Variants in PRR12 observed in about 807,000 individuals in gnomAD.
The protein encoded by PRR12 is proline rich 12, also known as proline-rich protein 12.
In PRR12, 12 loss-of-function variants were observed where a neutral mutation model predicts 138.0. The ratio of observed to expected loss-of-function variants is 0.09; its 90% CI spans 0.06 to 0.14. The LOEUF (loss-of-function observed/expected upper bound fraction) is 0.14. Among genes scored for constraint, PRR12 ranks in the 10% least tolerant of loss-of-function variants. The pLI is 1.00. For missense variants in PRR12, 2,692 were observed against 2,861.3 expected (o/e 0.94, Z 1.35); for synonymous variants, 1,567 against 1,291.7 (o/e 1.21, Z -4.57).
rs1290401938 is a variant in PRR12 at position 49,620,243 on chromosome 19, C to T, written c.5498-109C>T. 7 of 1,474,546 alleles carry T rather than the reference C, an allele frequency of 4.7e-6. No homozygotes were observed. In the Admixed American group the frequency reaches 1.0e-4, roughly 21 times the overall value. 91.3% of individuals were successfully genotyped at this position (1,474,546 alleles called of 1,614,324 possible). On this transcript the variant is annotated intron_variant, in intron 9 of 13. Transcript: ENST00000418929. Reference sequence around the variant, plus strand: ...TCTTCCCTAGCGGACTTGGACCTCCCAAAAGCAGGGATTTCTCTTCCGGTC... The same window carrying T: ...TCTTCCCTAGCGGACTTGGACCTCCTAAAAGCAGGGATTTCTCTTCCGGTC...
chr19:49,624,800 A>G, intron 11 of PRR12, 44 bp from the exon 12 acceptor site: 1 of 1,592,922 alleles, frequency 6.3e-7, no homozygotes, highest in Non-Finnish European at 8.5e-7. Flanking sequence ...TTTGGGGTTT[A>G]TGGATCCAGG....
At chr19:49,603,422 G>A (rs1191682019) in intron 6 of PRR12, among the ~76,000 whole-genome samples, 2 of 152,226 alleles carry the variant, frequency 1.3e-5, no homozygotes, top group East Asian at 1.9e-4. Flanking sequence ...GGGGCATGGC[G>A]GTTCACGCCT....
At chr19:49,611,535 G>A (rs1434992470) in intron 6 of PRR12, among the ~76,000 whole-genome samples, 1 of 151,910 alleles carries the variant, frequency 6.6e-6, no homozygotes. Flanking sequence ...CTACTTGGGA[G>A]GCTGAGGCAG....
At chr19:49,621,419 T>G in intron 10 of PRR12, 106 bp from the exon 11 acceptor site, 1 of 875,198 alleles carries the variant, frequency 1.1e-6, no homozygotes, top group Non-Finnish European at 1.8e-6. Context: ...TGTACTTTTG[T>G]CTCTGAGTGG....
At chr19:49,611,892 C>G (rs1288122371) in intron 6 of PRR12, among the ~76,000 whole-genome samples, 2 of 118,732 alleles carry the variant, frequency 1.7e-5, no homozygotes, top group Non-Finnish European at 3.2e-5. Context: ...CACTGCACTC[C>G]AGCCTGGGCG....
At position 49,625,451 on chromosome 19, in the gene PRR12, A is replaced by T; in HGVS notation, c.5965-10A>T. ...GCCACCCTCCCCAGTGCCATGTTTG[A>T]CCCCTGCAGACCCTGGCCATCGAGG... On this transcript the variant is annotated splice_polypyrimidine_tract_variant and intron_variant, in intron 13 of 13. Coordinates refer to ENST00000418929, the MANE Select transcript of PRR12 (RefSeq NM_020719.3). This position sits in a 1 kb window ranked among gnomAD's most constrained non-coding sequence, Gnocchi z 5.5. 6.3e-7 allele frequency: 1 copy of T among 1,596,122 alleles called. No individual in the cohort carries two copies. The highest frequency in any genetic ancestry group is 8.5e-7 in the Non-Finnish European group (1 of 1,171,386).
rs766049139 is a variant in PRR12, at chr19:49,596,696, C to T, written c.2361C>T (p.Gly787=). Residue 787 remains glycine, a synonymous_variant, in exon 4 of 14, where the codon GGC becomes GGT. Coordinates refer to ENST00000418929, the MANE Select transcript of PRR12 (RefSeq NM_020719.3). The surrounding 1 kb of genome is among the most constrained non-coding windows in gnomAD (Gnocchi z 5.6). ...ATGGCCTCCTTCTGGAGGCCGGGGG[C>T]CCTGACCTCCCACTGGTGCTGCCTC... The part of the protein sequence containing the change: ...TPHGLLLEAG[G]PDLPLVLPPP... 5 of 1,606,134 alleles carry T rather than the reference C, an allele frequency of 3.1e-6. No homozygotes were observed. Among genetic ancestry groups the T allele is most frequent in the East Asian group, 2.2e-5 (1 of 44,852 alleles).
Position 49,614,993 on chromosome 19 carries a change from C to T in PRR12, c.5008C>T (p.Pro1670Ser). The T allele has an allele frequency of 6.2e-7, 1 of 1,613,934 alleles. No individual in the cohort carries two copies. The highest frequency in any genetic ancestry group is 1.1e-5 in the South Asian group (1 of 91,086). The change falls in exon 8 of 14, where the codon CCC becomes TCC. Residue 1670 changes from proline to serine, a missense_variant. Transcript: ENST00000418929. This position sits in a 1 kb window ranked among gnomAD's most constrained non-coding sequence, Gnocchi z 5.0. The part of the protein sequence containing the change: ...RVCARKPWHR[P>S]PVPVRRSGQA... ...CTGTGCTCGGAAACCCTGGCATCGGCCCCCAGTGCCAGTCAGGTACCAACC... is the reference window on the plus strand; with the variant it reads ...CTGTGCTCGGAAACCCTGGCATCGGTCCCCAGTGCCAGTCAGGTACCAACC...
At chr19:49,609,448 A>G (rs2080854493) in intron 6 of PRR12, among the ~76,000 whole-genome samples, 2 of 151,992 alleles carry the variant, frequency 1.3e-5, no homozygotes, top group Non-Finnish European at 2.9e-5. Flanking sequence ...TAAGAATACA[A>G]AAATTAGCCG....
chr19:49,624,984 A>C lies in PRR12; in HGVS notation c.5862A>C (p.Arg1954Ser). 1 of 1,599,680 alleles carries C rather than the reference A, an allele frequency of 6.3e-7. No individual in the cohort carries two copies. Among genetic ancestry groups the C allele is most frequent in the African/African-American group, 1.3e-5 (1 of 74,382 alleles). Residue 1954 changes from arginine to serine, a missense_variant, in exon 12 of 14, where the codon AGA (arginine) becomes AGC (serine). Physicochemically the swap from Arg to Ser is moderately radical, Grantham distance 110. Around this residue, in one of 11 missense-constraint regions of PRR12, gnomAD observed 116 missense variants for 243.4 expected, o/e 0.48. Coordinates refer to ENST00000418929, the MANE Select transcript of PRR12 (RefSeq NM_020719.3). ...TLSKLKRSVV[R>S]AQEFKVELEK... ...GCAAGCTCAAGAGGAGCGTGGTCAGAGCCCAGGTGGGCACTGGGGCTGGGG... is the reference window on the plus strand; with the variant it reads ...GCAAGCTCAAGAGGAGCGTGGTCAGCGCCCAGGTGGGCACTGGGGCTGGGG...
intron 6 of PRR12, among the ~76,000 whole-genome samples, chr19:49,609,971 TTTTC>T (rs968482525): frequency 2.7e-5 from 4 of 149,682 alleles, no homozygotes; most frequent in Non-Finnish European, 4.5e-5. Context: ...GCAGTTTTCT[TTTTC>T]TTTCTTTTTT....
At position 49,615,975 on chromosome 19, in the gene PRR12, G is replaced by A. The variant is rs746908673; in HGVS notation, c.5253G>A (p.Glu1751=). The change falls in exon 9 of 14, where the codon GAG becomes GAA. Residue 1751 remains glutamate, a synonymous_variant. Transcript: ENST00000418929. ...AGAAGGAGAAGGTGACACGTGGAGA[G>A]CGGCCATTGCGGGGTGAGCGGGCCA... is the stretch of plus-strand genomic sequence containing the variant. ...EKEKEKVTRG[E]RPLRGERATS... is the part of the protein sequence containing the mutation. 1 of 1,552,726 alleles carries A rather than the reference G, an allele frequency of 6.4e-7. No individual in the cohort carries two copies. The highest frequency in any genetic ancestry group is 1.2e-5 in the South Asian group (1 of 84,194).
intron 9 of PRR12, among the ~76,000 whole-genome samples, chr19:49,619,661 C>T (rs1274842684): frequency 2.0e-5 from 3 of 149,992 alleles, no homozygotes; most frequent in South Asian, 4.2e-4. Context: ...CCTGCCTCAG[C>T]CTCCCGAGTG....
chr19:49,619,933 G>A (rs2080913389), intron 9 of PRR12, among the ~76,000 whole-genome samples: 1 of 132,888 alleles, frequency 7.5e-6, no homozygotes, highest in Admixed American at 9.4e-5. Flanking sequence ...TTGGCTCACT[G>A]CAACCTCCGC....
At position 49,597,025 on chromosome 19, in the gene PRR12, C is replaced by T; in HGVS notation, c.2690C>T (p.Thr897Ile). The change falls in exon 4 of 14, where the codon ACT (threonine) becomes ATT (isoleucine). Residue 897 changes from threonine to isoleucine, a missense_variant. Physicochemically the swap from Thr to Ile is moderately conservative, Grantham distance 89. Around this residue, in one of 11 missense-constraint regions of PRR12, gnomAD observed 840 missense variants for 689.8 expected, o/e 1.22. Transcript: ENST00000418929. This position sits in a 1 kb window ranked among gnomAD's most constrained non-coding sequence, Gnocchi z 6.3. Reference sequence around the variant, plus strand: ...CCGCTGCCCCCGGCGCCTGGGGATACTGGCGTAGGCCCACCAAACTCGGAG... The same window carrying T: ...CCGCTGCCCCCGGCGCCTGGGGATATTGGCGTAGGCCCACCAAACTCGGAG... ...LEPLPPAPGD[T>I]GVGPPNSEGK... 2 of 1,557,294 alleles carry T rather than the reference C, an allele frequency of 1.3e-6. No homozygotes were observed.
At position 49,595,419 on chromosome 19, in the gene PRR12, G is replaced by A. The variant is rs774657919; in HGVS notation, c.1084G>A (p.Ala362Thr). Residue 362 changes from alanine to threonine, a missense_variant, in exon 4 of 14, where the codon GCC (alanine) becomes ACC (threonine). Transcript: ENST00000418929. ...SGATAGASGR[A>T]TGPEAAGGGG... ...AGCCACGGCTGGGGCATCTGGCCGG[G>A]CCACGGGCCCTGAGGCAGCAGGGGG... 4 of 1,545,822 alleles carry A rather than the reference G, an allele frequency of 2.6e-6. No homozygotes were observed. The highest frequency in any genetic ancestry group is 2.4e-5 in the East Asian group (1 of 40,876).
chr19:49,617,130 C>CAAAA (rs774039937), intron 9 of PRR12, among the ~76,000 whole-genome samples: 4 of 76,008 alleles, frequency 5.3e-5, no homozygotes, highest in African/African-American at 1.9e-4. Flanking sequence ...GACTCCGTCT[C>CAAAA]AAAAAAAAAA....
intron 8 of PRR12, 69 bp from the exon 9 acceptor site, chr19:49,615,678 C>T: frequency 7.5e-7 from 1 of 1,332,910 alleles, no homozygotes; most frequent in South Asian, 1.3e-5. Flanking sequence ...GGGCACTGAG[C>T]AGGGACCCTG....
intron 6 of PRR12, among the ~76,000 whole-genome samples, chr19:49,611,942 A>C (rs1487101520): frequency 9.0e-5 from 12 of 133,232 alleles, no homozygotes; most frequent in African/African-American, 3.7e-4. Context: ...AAAAAAAAAA[A>C]AAAAAACAGG....
Sources: allele counts gnomAD v4.1 joint callset (sites outside exome capture counted in the v4.1 genomes callset), GRCh38; gene constraint gnomAD v4.1.1; regional missense constraint gnomAD v4.1.1; non-coding constraint Gnocchi (gnomAD v3.1); transcripts MANE v1.5; gene names NCBI Gene and HGNC (gene_info 2026-07-23, HGNC 2026-07-21).